CEP63: variants seen among roughly 807,000 people sequenced by gnomAD.
CEP63 encodes centrosomal protein of 63 kDa.
A neutral mutation model predicts 89.1 loss-of-function variants in CEP63; 84 were observed. The observed-to-expected ratio is 0.94, with a 90% confidence interval of 0.79 to 1.13. The LOEUF (loss-of-function observed/expected upper bound fraction) is 1.13, where lower values mean the gene tolerates loss of function less well. CEP63 is among the 50% of genes most tolerant of loss of function. CEP63 has a pLI of 0.00. For synonymous variants in CEP63, 267 were observed against 272.5 expected, an observed-to-expected ratio of 0.98 and a Z score of 0.20; for missense variants, 838 against 813.3, an observed-to-expected ratio of 1.03 and a Z score of -0.37.
At chr3:134,521,753 C>T (rs1947509903) in intron 3 of CEP63, among the ~76,000 whole-genome samples, 1 of 152,144 alleles carries the variant, frequency 6.6e-6, no homozygotes, top group Non-Finnish European at 1.5e-5. Context: ...CTTAGTATTG[C>T]ATAAGAATCA....
chr3:134,639,305 A>AGG, the CEP63 span, among the ~76,000 whole-genome samples: 3 of 152,098 alleles, frequency 2.0e-5, no homozygotes, highest in Non-Finnish European at 2.9e-5. Context: ...CACCACCCTT[A>AGG]GGGGGTACTG....
intron 11 of CEP63, among the ~76,000 whole-genome samples, chr3:134,550,888 G>A (rs1954677210): frequency 6.6e-6 from 1 of 152,190 alleles, no homozygotes; most frequent in Non-Finnish European, 1.5e-5. Context: ...GGCAAGGGAG[G>A]CAGAGGGAAA....
the CEP63 span, among the ~76,000 whole-genome samples, chr3:134,688,638 G>T: frequency 6.6e-6 from 1 of 152,226 alleles, no homozygotes; most frequent in Non-Finnish European, 1.5e-5. Context: ...GGTGCACCAA[G>T]TTGATCACAG....
chr3:134,651,304 G>C, the CEP63 span: 45 of 1,183,578 alleles, frequency 3.8e-5, no homozygotes, highest in Non-Finnish European at 4.8e-5. Context: ...TGCACTTGAA[G>C]CGCTGGTCCT....
At chr3:134,612,687 CT>C in the CEP63 span, among the ~76,000 whole-genome samples, 1 of 151,796 alleles carries the variant, frequency 6.6e-6, no homozygotes, top group African/African-American at 2.4e-5. Context: ...AGCAGTGCCC[CT>C]GACACGATGT....
the CEP63 span, among the ~76,000 whole-genome samples, chr3:134,648,297 T>C: frequency 6.6e-6 from 1 of 152,144 alleles, no homozygotes; most frequent in Non-Finnish European, 1.5e-5. Context: ...TCTCCAGCCC[T>C]CTCAACCACT....
the CEP63 span, among the ~76,000 whole-genome samples, chr3:134,631,138 A>G: frequency 6.6e-6 from 1 of 152,362 alleles, no homozygotes; most frequent in African/African-American, 2.4e-5. Flanking sequence ...CTCAGAAGGC[A>G]AAGAGAAATA....
At chr3:134,604,415 G>A in the CEP63 span, 1 of 1,613,982 alleles carries the variant, frequency 6.2e-7, no homozygotes, top group Middle Eastern at 1.7e-4. Flanking sequence ...TTGCCATTGA[G>A]CATGAACATG....
At chr3:134,500,482 G>A (rs181989383) in intron 2 of CEP63, among the ~76,000 whole-genome samples, 337 of 152,230 alleles carry the variant, frequency 2.2e-3, no homozygotes, top group African/African-American at 7.9e-3. Flanking sequence ...GAATCGATTG[G>A]TAGTCTCATT....
chr3:134,678,473 G>A, the CEP63 span, among the ~76,000 whole-genome samples: 1 of 152,236 alleles, frequency 6.6e-6, no homozygotes, highest in South Asian at 2.1e-4. Flanking sequence ...GCATGTTCCT[G>A]GTGCCTAGTG....
chr3:134,510,645 C>T (rs1944631770), intron 3 of CEP63: 1 of 651,082 alleles, frequency 1.5e-6, no homozygotes, highest in Non-Finnish European at 2.8e-6. Context: ...AGAGTGCACT[C>T]ACTCTCCCTT....
intron 12 of CEP63, among the ~76,000 whole-genome samples, chr3:134,557,719 A>T (rs541133647): frequency 6.6e-6 from 1 of 152,202 alleles, no homozygotes; most frequent in African/African-American, 2.4e-5. Context: ...CAGCCAGAAG[A>T]TTTTTCTCAC....
At chr3:134,502,257 A>G (rs1942207560) in intron 2 of CEP63, among the ~76,000 whole-genome samples, 2 of 151,208 alleles carry the variant, frequency 1.3e-5, no homozygotes, top group Admixed American at 6.6e-5. Flanking sequence ...TTTTGCATCT[A>G]TGTTCATTAG....
the CEP63 span, among the ~76,000 whole-genome samples, chr3:134,718,332 A>G: frequency 6.6e-6 from 1 of 152,246 alleles, no homozygotes; most frequent in South Asian, 2.1e-4. Context: ...AAGCCAACAT[A>G]GAGAAAAACA....
At chr3:134,596,682 T>C in the CEP63 span, among the ~76,000 whole-genome samples, 7 of 152,202 alleles carry the variant, frequency 4.6e-5, no homozygotes, top group Non-Finnish European at 2.9e-5. Context: ...AGTGAAACAC[T>C]TGCCAAGCGT....
chr3:134,752,756 A>T, the CEP63 span, among the ~76,000 whole-genome samples: 2 of 152,182 alleles, frequency 1.3e-5, no homozygotes, highest in African/African-American at 2.4e-5. Flanking sequence ...AGAAAATTAC[A>T]TGAGGTCTCA....
At chr3:134,739,731 C>T in the CEP63 span, among the ~76,000 whole-genome samples, 2 of 147,130 alleles carry the variant, frequency 1.4e-5, no homozygotes, top group Non-Finnish European at 3.0e-5. Context: ...GGGACACATG[C>T]ATAGCAAAAT....
intron 1 of CEP63, among the ~76,000 whole-genome samples, chr3:134,491,832 G>A (rs1937615196): frequency 1.3e-5 from 2 of 152,118 alleles, no homozygotes; most frequent in South Asian, 4.1e-4. Flanking sequence ...TAGACTTGAA[G>A]GTTAGGCATA....
At chr3:134,775,664 G>T in the CEP63 span, among the ~76,000 whole-genome samples, 1 of 152,080 alleles carries the variant, frequency 6.6e-6, no homozygotes, top group East Asian at 1.9e-4. Context: ...TCTGATTCTG[G>T]GGTAGAGAAT....
Sources: allele counts gnomAD v4.1 joint callset (sites outside exome capture counted in the v4.1 genomes callset), GRCh38; gene constraint gnomAD v4.1.1; transcripts MANE v1.5; gene names NCBI Gene and HGNC (gene_info 2026-07-23, HGNC 2026-07-21).